The following FRMD4A variants were observed in gnomAD, a reference collection of about 807,000 sequenced individuals.
FRMD4A encodes the protein FERM domain containing 4A.
FRMD4A carries 29 observed loss-of-function variants against 129.1 expected under a neutral mutation model. The observed-to-expected ratio is 0.22, with a 90% CI of 0.17 to 0.31. The LOEUF (loss-of-function observed/expected upper bound fraction) is 0.31. FRMD4A is among the 10% of genes least tolerant of loss of function. The pLI is 1.00. For synonymous variants in FRMD4A, 634 were observed against 571.6 expected, an observed-to-expected ratio of 1.11 and a Z score of -1.56; for missense variants, 1,272 against 1,375.8, an observed-to-expected ratio of 0.92 and a Z score of 1.19.
At chr10:14,281,541 T>C (rs1016196945) in intron 2 of FRMD4A, among the ~76,000 whole-genome samples, 1 of 152,244 alleles carries the variant, frequency 6.6e-6, no homozygotes, top group Non-Finnish European at 1.5e-5. Flanking sequence ...TACTTTATTA[T>C]GGCAGCCCTA....
chr10:14,036,523 C>T (rs896957932), intron 2 of FRMD4A, among the ~76,000 whole-genome samples: 2 of 152,150 alleles, frequency 1.3e-5, no homozygotes, highest in African/African-American at 4.8e-5. Context: ...ACCCGGATTG[C>T]TTGCATTTGT....
At chr10:13,907,592 AC>A (rs1315767211) in intron 2 of FRMD4A, among the ~76,000 whole-genome samples, 2 of 152,036 alleles carry the variant, frequency 1.3e-5, no homozygotes, top group African/African-American at 4.8e-5. Flanking sequence ...TTGTGTCAAC[AC>A]CTCCACCTGA....
At chr10:13,930,467 A>G (rs373906422) in intron 2 of FRMD4A, among the ~76,000 whole-genome samples, 35 of 152,334 alleles carry the variant, frequency 2.3e-4, no homozygotes, top group African/African-American at 7.9e-4. Context: ...AGGAAACCTC[A>G]GCTCTGCAGA....
At chr10:14,196,535 T>G (rs1842477243) in intron 2 of FRMD4A, among the ~76,000 whole-genome samples, 2 of 152,220 alleles carry the variant, frequency 1.3e-5, no homozygotes. Flanking sequence ...ACAAATACTT[T>G]TTATATTTTT....
intron 6 of FRMD4A, among the ~76,000 whole-genome samples, chr10:13,781,691 C>A (rs1393723826): frequency 6.6e-6 from 1 of 152,070 alleles, no homozygotes; most frequent in Non-Finnish European, 1.5e-5. Flanking sequence ...ATGGATGAAC[C>A]TTGAGGCCAT....
At chr10:14,187,320 T>C (rs1012755024) in intron 2 of FRMD4A, among the ~76,000 whole-genome samples, 1 of 152,242 alleles carries the variant, frequency 6.6e-6, no homozygotes, top group Non-Finnish European at 1.5e-5. Flanking sequence ...TAGTCCATCA[T>C]TTCACAGATA....
intron 2 of FRMD4A, among the ~76,000 whole-genome samples, chr10:14,195,540 T>C (rs1312121755): frequency 3.3e-5 from 5 of 152,198 alleles, no homozygotes. Context: ...CCCATACTTA[T>C]TCCATTCTCT....
At chr10:14,055,054 AT>A (rs1269074191) in intron 2 of FRMD4A, among the ~76,000 whole-genome samples, 2 of 152,144 alleles carry the variant, frequency 1.3e-5, no homozygotes, top group African/African-American at 4.8e-5. Context: ...CCCCACCTGT[AT>A]CTCAAAGCCA....
At chr10:13,823,068 C>T (rs960985670) in intron 3 of FRMD4A, among the ~76,000 whole-genome samples, 2 of 152,192 alleles carry the variant, frequency 1.3e-5, no homozygotes, top group Non-Finnish European at 2.9e-5. Flanking sequence ...AGTCTGGTCC[C>T]TGTGTTCTCT....
intron 2 of FRMD4A, among the ~76,000 whole-genome samples, chr10:13,957,961 A>AG (rs2095419890): frequency 6.6e-6 from 1 of 151,712 alleles, no homozygotes; most frequent in Non-Finnish European, 1.5e-5. Context: ...CCTCTCTAAG[A>AG]GCCTATGTAA....
intron 2 of FRMD4A, among the ~76,000 whole-genome samples, chr10:14,112,581 A>C (rs1589001043): frequency 6.6e-6 from 1 of 152,182 alleles, no homozygotes; most frequent in Non-Finnish European, 1.5e-5. Flanking sequence ...GCTGGACTGT[A>C]GTGGCGCCAT....
rs117451335 is a variant in FRMD4A at position 14,297,842 on chromosome 10, G to A, written c.45+32216C>T. 5.5e-3 allele frequency among the ~76,000 whole-genome samples: 831 copies of A among 152,292 alleles called. 7 individuals are homozygous for A. The highest frequency in any genetic ancestry group is 9.8e-3 in the Non-Finnish European group (666 of 68,024). On this transcript the variant is annotated intron_variant, in intron 2 of 24. Coordinates refer to ENST00000357447, the MANE Select transcript of FRMD4A (RefSeq NM_018027.5). ...CCTTATGGTGACTGGAGACTATATA[G>A]CGGCCATGAATGGCGATATGAAGTG...
At chr10:13,869,104 T>C (rs368874026) in intron 2 of FRMD4A, among the ~76,000 whole-genome samples, 74 of 152,266 alleles carry the variant, frequency 4.9e-4, no homozygotes, top group African/African-American at 1.7e-3. Context: ...TTTTCTCTGA[T>C]CATGCAAAAG....
At chr10:13,761,751 G>T in intron 7 of FRMD4A, 82 bp from the exon 8 acceptor site, 1 of 907,822 alleles carries the variant, frequency 1.1e-6, no homozygotes, top group Middle Eastern at 2.6e-4. Flanking sequence ...AATCATGAGA[G>T]TTTCTCTACT....
Position 14,227,397 on chromosome 10 carries a change from A to G in FRMD4A, c.45+102661T>C, listed in dbSNP as rs146887227. Among the ~76,000 whole-genome samples, 246 of 151,166 alleles carry G rather than the reference A, an allele frequency of 1.6e-3. 7 individuals carry two copies. In the East Asian group the frequency reaches 0.04, roughly 24 times the overall value. On this transcript the variant is annotated intron_variant, in intron 2 of 24. Transcript: ENST00000357447. ...ATCCTGAGTAGCTGAGATTACAGAC[A>G]TGTACCACTAACCCCGGCTAATTTT...
chr10:14,023,268 C>A (rs191462040), intron 2 of FRMD4A, among the ~76,000 whole-genome samples: 1 of 152,028 alleles, frequency 6.6e-6, no homozygotes, highest in East Asian at 1.9e-4. Context: ...CTGGGAAGGG[C>A]GATTCCCTCT....
chr10:13,865,193 A>G (rs564069728), intron 2 of FRMD4A, among the ~76,000 whole-genome samples: 1 of 152,284 alleles, frequency 6.6e-6, no homozygotes, highest in South Asian at 2.1e-4. Context: ...GGGATAAAAT[A>G]GCGTCTACCT....
In FRMD4A at chr10:14,126,743, T is replaced by C. The variant is rs139007897; in HGVS notation, c.45+203315A>G. ...AATCTGAATCACCTTGCAGAGAGGA[T>C]TGGGTGGCTATCTGAACAAAATGTG... is the stretch of plus-strand genomic sequence containing the variant. On this transcript the variant is annotated intron_variant, in intron 2 of 24. Transcript: ENST00000357447. Among the ~76,000 whole-genome samples, 202 of 152,164 alleles carry C rather than the reference T, an allele frequency of 1.3e-3. 1 individual carries two copies. Among genetic ancestry groups the C allele is most frequent in the African/African-American group, 4.5e-3 (185 of 41,494 alleles).
rs372420987 is a variant in FRMD4A, at chr10:14,110,125, T to TTAAAAAAAAAAAAAAAAAAAAAAAAA, written c.45+219932_45+219933insTTTTTTTTTTTTTTTTTTTTTTTTTA. On this transcript the variant is annotated intron_variant, in intron 2 of 24. Coordinates refer to ENST00000357447, the MANE Select transcript of FRMD4A (RefSeq NM_018027.5). ...GGCTGGGCAACAAAGCGAGATGCTGTAAAAAAAAAAAAAAAAAAAAAAGCT... is the reference window on the plus strand; with the variant it reads ...GGCTGGGCAACAAAGCGAGATGCTGTTAAAAAAAAAAAAAAAAAAAAAAAAAAAAAAAAAAAAAAAAAAAAAAAGCT... Among the ~76,000 whole-genome samples, 71 of 89,552 alleles carry TTAAAAAAAAAAAAAAAAAAAAAAAAA rather than the reference T, an allele frequency of 7.9e-4. 10 individuals are homozygous for TTAAAAAAAAAAAAAAAAAAAAAAAAA. The highest frequency in any genetic ancestry group is 3.2e-3 in the African/African-American group (68 of 21,522). 58.7% of individuals were successfully genotyped at this position (89,552 alleles called of 152,430 possible).
Sources: gnomAD v4.1 joint callset for allele counts (sites outside exome capture counted in the v4.1 genomes callset) on GRCh38, gnomAD v4.1.1 for gene constraint, MANE v1.5 for transcripts, NCBI Gene and HGNC (gene_info 2026-07-23, HGNC 2026-07-21) for gene names.